SLC1A1: variants seen among roughly 807,000 people sequenced by gnomAD.
SLC1A1 encodes excitatory amino acid transporter 3.
Under a neutral mutation model 53.3 loss-of-function variants are expected in SLC1A1, and 43 were observed. The ratio of observed to expected loss-of-function variants is 0.81; its 90% confidence interval spans 0.63 to 1.04. The LOEUF (loss-of-function observed/expected upper bound fraction) is 1.04. Among genes scored for constraint, SLC1A1 ranks in the 50% least tolerant of loss-of-function variants. The pLI is 0.00. For synonymous variants in SLC1A1, 307 were observed against 243.2 expected (o/e 1.26, Z -2.44); for missense variants, 748 against 664.9 (o/e 1.12, Z -1.37).
chr9:4,529,245 G>A (rs1439867817), intron 1 of SLC1A1, among the ~76,000 whole-genome samples: 1 of 152,104 alleles, frequency 6.6e-6, no homozygotes, highest in East Asian at 1.9e-4. Flanking sequence ...CAAATCCTTA[G>A]CTTGGCGTAT....
At chr9:4,511,887 G>A (rs770076247) in intron 1 of SLC1A1, among the ~76,000 whole-genome samples, 6 of 152,034 alleles carry the variant, frequency 3.9e-5, no homozygotes, top group Non-Finnish European at 7.4e-5. Flanking sequence ...AAGATACAAG[G>A]TTAACACACA....
intron 1 of SLC1A1, among the ~76,000 whole-genome samples, chr9:4,523,342 A>G (rs1442413049): frequency 2.0e-5 from 3 of 149,986 alleles, no homozygotes. Flanking sequence ...GAAGATACCA[A>G]ATGCCTTTTC....
Position 4,529,112 on chromosome 9 carries a change from A to T in SLC1A1, c.92-15455A>T, listed in dbSNP as rs1403850545. Among the ~76,000 whole-genome samples, 5 of 152,020 alleles carry T rather than the reference A, an allele frequency of 3.3e-5. No homozygotes were observed. In the East Asian group the frequency reaches 9.7e-4, roughly 29 times the overall value. On this transcript the variant is annotated intron_variant, in intron 1 of 11. Coordinates refer to ENST00000262352, the MANE Select transcript of SLC1A1 (RefSeq NM_004170.6). ...ATTTGTTCCCCTTCTCCACTCTTTA[A>T]CACCGCTCACCTTGGATCACAGCAG...
chr9:4,516,538 G>C (rs1321835300), intron 1 of SLC1A1, among the ~76,000 whole-genome samples: 1 of 151,982 alleles, frequency 6.6e-6, no homozygotes, highest in Non-Finnish European at 1.5e-5. Context: ...CTCTTCTCTT[G>C]CCTTCAATCT....
At chr9:4,579,917 A>G (rs958455665) in intron 10 of SLC1A1, among the ~76,000 whole-genome samples, 1 of 152,224 alleles carries the variant, frequency 6.6e-6, no homozygotes, top group South Asian at 2.1e-4. Flanking sequence ...AAAAGGATAA[A>G]TTGTCTTATA....
intron 1 of SLC1A1, among the ~76,000 whole-genome samples, chr9:4,508,958 A>G (rs770300821): frequency 4.6e-5 from 7 of 152,150 alleles, no homozygotes; most frequent in Non-Finnish European, 1.0e-4. Context: ...AGCACGAATT[A>G]GACCTGTTTG....
Position 4,577,732 on chromosome 9 carries a change from C to T in SLC1A1, c.1193+969C>T, listed in dbSNP as rs573464206. 2.6e-4 allele frequency among the ~76,000 whole-genome samples: 39 copies of T among 152,332 alleles called. 1 individual carries two copies. In the South Asian group the frequency reaches 7.5e-3, roughly 29 times the overall value. ...TCAGGTGATTTGCCCACCTCAGACT[C>T]CCAAAGTGCCGGGATTATAGGTGTG... On this transcript the variant is annotated intron_variant, in intron 10 of 11. Coordinates refer to ENST00000262352, the MANE Select transcript of SLC1A1 (RefSeq NM_004170.6).
At chr9:4,515,020 TCTC>T (rs1230558199) in intron 1 of SLC1A1, among the ~76,000 whole-genome samples, 1 of 151,908 alleles carries the variant, frequency 6.6e-6, no homozygotes, top group Non-Finnish European at 1.5e-5. Flanking sequence ...TGACTCTCTC[TCTC>T]CTCTTCTCTT....
In SLC1A1 at chr9:4,585,402, G is replaced by A. The variant is rs746834787; in HGVS notation, c.1419G>A (p.Met473Ile). Residue 473 changes from methionine (M) to isoleucine (I), a missense_variant, in exon 12 of 12, where the codon ATG becomes ATA. Met to Ile is a conservative substitution (Grantham distance 10). Transcript: ENST00000262352. ...TCTCCAAGAAGGAGCTGGAGCAGAT[G>A]GATGTTTCATCTGAAGTCAACATTG... is the stretch of plus-strand genomic sequence containing the variant. ...EKLSKKELEQ[M>I]DVSSEVNIVN... is the part of the protein sequence containing the mutation. 8 of 1,614,198 alleles carry A rather than the reference G, an allele frequency of 5.0e-6. No individual in the cohort carries two copies. The highest frequency in any genetic ancestry group is 1.7e-5 in the Admixed American group (1 of 60,028).
chr9:4,577,947 T>G (rs1820717385), intron 10 of SLC1A1, among the ~76,000 whole-genome samples: 1 of 152,190 alleles, frequency 6.6e-6, no homozygotes, highest in African/African-American at 2.4e-5. Context: ...TCAGCTGGAT[T>G]CAGGGTGAAA....
intron 4 of SLC1A1, 24 bp from the exon 5 acceptor site, chr9:4,566,016 AACATAAT>A (rs769630449): frequency 1.3e-6 from 2 of 1,585,430 alleles, no homozygotes; most frequent in African/African-American, 1.3e-5. Flanking sequence ...TTTTTGCCCT[AACATAAT>A]ACTGCCTTTT....
chr9:4,515,330 G>A (rs192379063), intron 1 of SLC1A1, among the ~76,000 whole-genome samples: 2 of 152,298 alleles, frequency 1.3e-5, no homozygotes, highest in East Asian at 1.9e-4. Flanking sequence ...AAGAGTATCA[G>A]ATATTCTATA....
At chr9:4,544,831 GAA>G in intron 2 of SLC1A1, 124 bp downstream of exon 2, 1 of 842,112 alleles carries the variant, frequency 1.2e-6, no homozygotes, top group Non-Finnish European at 1.9e-6. Flanking sequence ...TCCTGGCTCA[GAA>G]GGTCTCAGGA....
rs75209772 is a variant in SLC1A1 at position 4,583,375 on chromosome 9, G to A, written c.1328+203G>A. ...CGTGGAGCAGTGATTTTAAAAAGCC[G>A]GTGAGCTCCATTAGCTCATTATACC... is the stretch of plus-strand genomic sequence containing the variant. On this transcript the variant is annotated intron_variant, in intron 11 of 11. Coordinates refer to ENST00000262352, the MANE Select transcript of SLC1A1 (RefSeq NM_004170.6). The surrounding 1 kb of genome is among the most constrained non-coding windows in gnomAD (Gnocchi z 4.6). Among the ~76,000 whole-genome samples the A allele has an allele frequency of 0.042, 6,344 of 152,208 alleles. 307 individuals are homozygous for A. Among genetic ancestry groups the A allele is most frequent in the African/African-American group, 0.12 (4,972 of 41,508 alleles).
chr9:4,519,938 C>T (rs1261787217), intron 1 of SLC1A1, among the ~76,000 whole-genome samples: 1 of 152,168 alleles, frequency 6.6e-6, no homozygotes, highest in Non-Finnish European at 1.5e-5. Context: ...TTTTTCTCGG[C>T]CATTAGCTTT....
chr9:4,524,076 A>C (rs1013255484), intron 1 of SLC1A1, among the ~76,000 whole-genome samples: 1 of 152,196 alleles, frequency 6.6e-6, no homozygotes, highest in African/African-American at 2.4e-5. Flanking sequence ...CCATTTGGCC[A>C]ATGCATTGTA....
intron 8 of SLC1A1, among the ~76,000 whole-genome samples, chr9:4,575,230 C>T (rs1820436438): frequency 6.6e-6 from 1 of 152,190 alleles, no homozygotes; most frequent in South Asian, 2.1e-4. Flanking sequence ...CTATTTCAAA[C>T]ACACATAACT....
chr9:4,529,716 G>A (rs1241444131), intron 1 of SLC1A1, among the ~76,000 whole-genome samples: 1 of 151,980 alleles, frequency 6.6e-6, no homozygotes, highest in African/African-American at 2.4e-5. Flanking sequence ...GTGTTGTAGA[G>A]ATGGTGTCTC....
chr9:4,575,931 T>G, intron 8 of SLC1A1, 70 bp from the exon 9 acceptor site: 2 of 1,561,004 alleles, frequency 1.3e-6, no homozygotes, highest in East Asian at 2.2e-5. Context: ...AAAAAGATGT[T>G]TGATAAAAGG....
Sources: allele counts gnomAD v4.1 joint callset (sites outside exome capture counted in the v4.1 genomes callset), GRCh38; gene constraint gnomAD v4.1.1; non-coding constraint Gnocchi (gnomAD v3.1); transcripts MANE v1.5; gene names NCBI Gene and HGNC (gene_info 2026-07-23, HGNC 2026-07-21).